The following SLC9A8 variants were observed in gnomAD, a reference collection of about 807,000 sequenced individuals.
The protein encoded by SLC9A8 is sodium/hydrogen exchanger 8.
A neutral mutation model predicts 66.6 loss-of-function variants in SLC9A8; 48 were observed. The observed-to-expected ratio is 0.72, with a 90% CI of 0.57 to 0.92. SLC9A8 has a LOEUF of 0.92. Ranked by LOEUF, SLC9A8 falls within the 40% of genes least tolerant of loss-of-function variation. The pLI, the probability that SLC9A8 is intolerant of heterozygous loss-of-function variation, is 0.00. For missense variants in SLC9A8, 599 were observed against 747.3 expected (o/e 0.80, Z 2.31); for synonymous variants, 274 against 282.6 (o/e 0.97, Z 0.31).
chr20:49,884,274 G>GACACACACCACACACAC, intron 14 of SLC9A8: 1 of 119,902 alleles, frequency 8.3e-6, no homozygotes, highest in South Asian at 5.1e-5. Context: ...ACACACACAC[G>GACACACACCACACACAC]ACACACACAC....
rs368210837 is a variant in SLC9A8, at chr20:49,881,040, G to C, written c.1270+5G>C. On this transcript the variant is annotated splice_donor_5th_base_variant and intron_variant, in intron 13 of 15. Transcript: ENST00000361573. ...TGTTCATCATGTGGTTTAGTGGTAAGTCAAATCTTGGATAAATGGGGTGGG... is the reference window on the plus strand; with the variant it reads ...TGTTCATCATGTGGTTTAGTGGTAACTCAAATCTTGGATAAATGGGGTGGG... 4 of 1,591,090 alleles carry C rather than the reference G, an allele frequency of 2.5e-6. No homozygotes were observed. The African/African-American group carries it at 5.4e-5, about 21-fold the overall frequency.
intron 7 of SLC9A8, among the ~76,000 whole-genome samples, chr20:49,853,600 T>C (rs954885415): frequency 2.0e-5 from 3 of 152,232 alleles, no homozygotes; most frequent in Non-Finnish European, 2.9e-5. Context: ...ATCTCCCAGA[T>C]GGGCAGTTGT....
chr20:49,885,444 G>T (rs1342394331), intron 14 of SLC9A8, among the ~76,000 whole-genome samples: 2 of 152,186 alleles, frequency 1.3e-5, no homozygotes, highest in Admixed American at 6.5e-5. Flanking sequence ...TCCCACCTCA[G>T]CCTCTGGAGT....
chr20:49,813,015 C>T (rs978260051), intron 1 of SLC9A8, 67 bp downstream of exon 1: 91 of 1,310,692 alleles, frequency 6.9e-5, no homozygotes, highest in Non-Finnish European at 8.4e-5. Flanking sequence ...CAGCGAGCGC[C>T]TCAGGCCGCC....
At chr20:49,841,852 C>T (rs1018326952) in intron 4 of SLC9A8, among the ~76,000 whole-genome samples, 1 of 151,890 alleles carries the variant, frequency 6.6e-6, no homozygotes, top group African/African-American at 2.4e-5. Context: ...ACCTTGTCCT[C>T]CCAAAGTGCT....
chr20:49,886,696 G>A lies in SLC9A8; in HGVS notation c.1492-56G>A. 1 of 1,580,602 alleles carries A rather than the reference G, an allele frequency of 6.3e-7. No individual in the cohort carries two copies. The highest frequency in any genetic ancestry group is 8.6e-7 in the Non-Finnish European group (1 of 1,160,604). On this transcript the variant is annotated intron_variant, in intron 14 of 15. Transcript: ENST00000361573. This position sits in a 1 kb window ranked among gnomAD's most constrained non-coding sequence, Gnocchi z 4.8. ...TGGGTGGTGTGGGGGCTTCCAGGAG[G>A]TGCCCCCCGATGGTGCCAGCTGGTG...
Position 49,885,712 on chromosome 20 carries a change from G to T in SLC9A8, c.1492-1040G>T, listed in dbSNP as rs8114001. Among the ~76,000 whole-genome samples, 647 of 152,344 alleles carry T rather than the reference G, an allele frequency of 4.2e-3. 3 individuals carry two copies. The highest frequency in any genetic ancestry group is 0.015 in the African/African-American group (626 of 41,570). On this transcript the variant is annotated intron_variant, in intron 14 of 15. Coordinates refer to ENST00000361573, the MANE Select transcript of SLC9A8 (RefSeq NM_015266.3). The stretch of plus-strand genomic sequence containing the variant: ...CAGTGTGCTTGCGTTTTCCTTGGAT[G>T]ATCTCAGATTGTCCCCATAGCCTGC...
chr20:49,870,073 A>G (rs184417961), intron 10 of SLC9A8, among the ~76,000 whole-genome samples: 227 of 152,344 alleles, frequency 1.5e-3, no homozygotes, highest in Middle Eastern at 0.01. Flanking sequence ...CTGTACTGCC[A>G]TGGAAAGAAT....
rs1062840 is a variant in SLC9A8 at position 49,888,929 on chromosome 20, C to T, written c.*993C>T. ...TTTCCCCTCTCCCAGTTCCCTACCA[C>T]GTTGGATCCCATTCGTCACCCATGC... On this transcript the variant is annotated 3_prime_UTR_variant, in exon 16 of 16. Coordinates refer to ENST00000361573, the MANE Select transcript of SLC9A8 (RefSeq NM_015266.3). The T allele has an allele frequency of 0.11, 16,898 of 152,596 alleles. 1,050 individuals are homozygous for T. The highest frequency in any genetic ancestry group is 0.17 in the African/African-American group (7,054 of 41,548). 9.5% of individuals were successfully genotyped at this position (152,596 alleles called of 1,614,324 possible).
At chr20:49,819,652 G>T (rs1396574968) in intron 2 of SLC9A8, among the ~76,000 whole-genome samples, 1 of 151,988 alleles carries the variant, frequency 6.6e-6, no homozygotes, top group Non-Finnish European at 1.5e-5. Flanking sequence ...TCTAGTTTCA[G>T]AACATTTTCA....
At chr20:49,825,613 A>G (rs779557418) in intron 3 of SLC9A8, among the ~76,000 whole-genome samples, 1 of 152,198 alleles carries the variant, frequency 6.6e-6, no homozygotes, top group Non-Finnish European at 1.5e-5. Context: ...AGGGCACTCC[A>G]GCCTGGGTGA....
At chr20:49,832,377 G>T (rs2087242008) in intron 3 of SLC9A8, among the ~76,000 whole-genome samples, 1 of 152,136 alleles carries the variant, frequency 6.6e-6, no homozygotes, top group East Asian at 1.9e-4. Context: ...TGACCCTCTG[G>T]GGTGGGTCTG....
intron 15 of SLC9A8, among the ~76,000 whole-genome samples, 179 bp from the exon 16 acceptor site, chr20:49,887,650 A>G (rs1241509205): frequency 2.6e-5 from 4 of 151,928 alleles, no homozygotes; most frequent in Admixed American, 6.5e-5. Context: ...CGTGACCTCC[A>G]CCCCCACAAA....
chr20:49,852,668 A>G (rs1343352145), intron 7 of SLC9A8, among the ~76,000 whole-genome samples: 2 of 152,180 alleles, frequency 1.3e-5, no homozygotes, highest in Non-Finnish European at 2.9e-5. Flanking sequence ...AAAGATGTGA[A>G]GTGGAACAGC....
intron 7 of SLC9A8, among the ~76,000 whole-genome samples, chr20:49,854,312 C>T (rs999590427): frequency 1.3e-5 from 2 of 152,050 alleles, no homozygotes; most frequent in African/African-American, 2.4e-5. Flanking sequence ...TGCCACTCAC[C>T]CCACCCCCAC....
intron 10 of SLC9A8, among the ~76,000 whole-genome samples, chr20:49,872,398 T>C (rs2089247709): frequency 6.6e-6 from 1 of 151,998 alleles, no homozygotes; most frequent in South Asian, 2.1e-4. Context: ...TTGTAGGGTA[T>C]TGTGTTACAG....
chr20:49,851,137 T>C (rs562154380), intron 7 of SLC9A8, among the ~76,000 whole-genome samples: 4 of 152,222 alleles, frequency 2.6e-5, no homozygotes, highest in Non-Finnish European at 5.9e-5. Context: ...TGTGCACGCG[T>C]ACACTGTACC....
intron 3 of SLC9A8, among the ~76,000 whole-genome samples, chr20:49,832,600 C>G (rs1270404504): frequency 6.6e-6 from 1 of 152,208 alleles, no homozygotes; most frequent in South Asian, 2.1e-4. Flanking sequence ...CTTCCCCTCT[C>G]CCCACTCACG....
chr20:49,813,032 C>G, intron 1 of SLC9A8, 84 bp downstream of exon 1: 1 of 1,212,192 alleles, frequency 8.2e-7, no homozygotes, highest in Non-Finnish European at 1.1e-6. Context: ...CGCCCTCCGG[C>G]CCCGGAAGGC....
Sources: gnomAD v4.1 joint callset for allele counts (sites outside exome capture counted in the v4.1 genomes callset) on GRCh38, gnomAD v4.1.1 for gene constraint, Gnocchi (gnomAD v3.1) non-coding constraint, MANE v1.5 for transcripts, NCBI Gene and HGNC (gene_info 2026-07-23, HGNC 2026-07-21) for gene names.